The following PKHD1 variants were observed in gnomAD, a reference collection of about 807,000 sequenced individuals.
PKHD1 encodes PKHD1 ciliary IPT domain containing fibrocystin/polyductin, also known as fibrocystin.
PKHD1 carries 291 observed loss-of-function variants against 412.0 expected under a neutral mutation model. The observed-to-expected ratio is 0.71, with a 90% CI of 0.64 to 0.78. PKHD1 has a LOEUF of 0.78. PKHD1 is among the 30% of genes least tolerant of loss of function. PKHD1 has a pLI of 0.00. For synonymous variants in PKHD1, 1,777 were observed against 1,821.5 expected, an observed-to-expected ratio of 0.98 and a Z score of 0.62; for missense variants, 4,825 against 4,950.7, an observed-to-expected ratio of 0.97 and a Z score of 0.76.
intron 60 of PKHD1, among the ~76,000 whole-genome samples, chr6:51,742,598 G>T (rs144978561): frequency 6.6e-6 from 1 of 152,032 alleles, no homozygotes; most frequent in African/African-American, 2.4e-5. Flanking sequence ...CTTGGATGAC[G>T]TGTAACAGCA....
At chr6:51,923,912 G>A (rs1785120677) in intron 37 of PKHD1, among the ~76,000 whole-genome samples, 1 of 152,176 alleles carries the variant, frequency 6.6e-6, no homozygotes, top group Non-Finnish European at 1.5e-5. Context: ...GTCCAATGAA[G>A]AAAATGGAAT....
chr6:52,051,212 T>A lies in PKHD1; in HGVS notation c.2141-917A>T, dbSNP rs138503092. Among the ~76,000 whole-genome samples the A allele has an allele frequency of 7.9e-5, 12 of 152,324 alleles. No individual in the cohort carries two copies. The East Asian group carries it at 1.9e-3, about 25-fold the overall frequency. ...GAATTGGGGCAAAATACTCCACTCC[T>A]TTTAGCCTTGGTTTCCCCACCCATA... is the stretch of plus-strand genomic sequence containing the variant. On this transcript the variant is annotated intron_variant, in intron 21 of 66. Coordinates refer to ENST00000371117, the MANE Select transcript of PKHD1 (RefSeq NM_138694.4).
intron 60 of PKHD1, among the ~76,000 whole-genome samples, chr6:51,681,736 G>A (rs927195493): frequency 6.6e-6 from 1 of 152,032 alleles, no homozygotes; most frequent in Non-Finnish European, 1.5e-5. Context: ...ACAAGCCACA[G>A]GCCAAATCAG....
chr6:51,746,372 A>G (rs1785198297), intron 59 of PKHD1, among the ~76,000 whole-genome samples: 1 of 152,170 alleles, frequency 6.6e-6, no homozygotes, highest in African/African-American at 2.4e-5. Flanking sequence ...AAACATCCCA[A>G]AGAAGTCTCT....
chr6:51,982,090 C>G (rs1387372397), intron 35 of PKHD1, among the ~76,000 whole-genome samples: 1 of 64,942 alleles, frequency 1.5e-5, no homozygotes. Context: ...GCAACCGCCC[C>G]GTCTGAGAAG....
rs886061614 is a variant in PKHD1 at position 51,748,627 on chromosome 6, C to T, written c.8989G>A (p.Gly2997Arg). Reference sequence around the variant, plus strand: ...TCAACAGATGAGTACAATGGTGACCCGAAGTTCTGAATTTCCACATTAAGA... The same window carrying T: ...TCAACAGATGAGTACAATGGTGACCTGAAGTTCTGAATTTCCACATTAAGA... ...QLLNVEIQNF[G>R]SPLYSSVEFS... is the part of the protein sequence containing the mutation. The change falls in exon 58 of 67, where the codon GGG becomes AGG. Residue 2997 changes from glycine (G) to arginine (R), a missense_variant. Transcript: ENST00000371117. 8 of 1,613,666 alleles carry T rather than the reference C, an allele frequency of 5.0e-6. No homozygotes were observed. Among genetic ancestry groups the T allele is most frequent in the Non-Finnish European group, 6.8e-6 (8 of 1,179,744 alleles).
chr6:51,832,573 G>A (rs1285882538), intron 51 of PKHD1, among the ~76,000 whole-genome samples: 2 of 152,048 alleles, frequency 1.3e-5, no homozygotes, highest in Non-Finnish European at 2.9e-5. Context: ...GGGCATTCAG[G>A]GTATCTCTGT....
chr6:52,000,702 A>T (rs1798263384), intron 35 of PKHD1, among the ~76,000 whole-genome samples: 2 of 152,210 alleles, frequency 1.3e-5, no homozygotes, highest in Admixed American at 1.3e-4. Flanking sequence ...GCAAACTCCT[A>T]TATGGTGATG....
chr6:51,812,293 A>G (rs950288810), intron 52 of PKHD1, among the ~76,000 whole-genome samples: 1 of 152,214 alleles, frequency 6.6e-6, no homozygotes, highest in Non-Finnish European at 1.5e-5. Flanking sequence ...TATGCATGCT[A>G]AAGTTTAAGA....
intron 35 of PKHD1, 139 bp from the exon 36 acceptor site, chr6:51,960,165 T>C (rs1335065018): frequency 5.3e-6 from 4 of 756,756 alleles, no homozygotes; most frequent in Non-Finnish European, 9.1e-6. Context: ...TGAATCAAAA[T>C]AGAAACTTCT....
chr6:51,924,867 GATA>G (rs2127727766), intron 37 of PKHD1, among the ~76,000 whole-genome samples: 1 of 152,206 alleles, frequency 6.6e-6, no homozygotes, highest in East Asian at 1.9e-4. Context: ...TAATAACAAT[GATA>G]ATAACTGACA....
chr6:51,694,421 T>C lies in PKHD1; in HGVS notation c.10157-34452A>G, dbSNP rs111623353. ...TATTTTGAGATAGAGTCTTTCTCTG[T>C]TGCCTAGGCTGGAATGCAGTGGCGT... On this transcript the variant is annotated intron_variant, in intron 60 of 66. Transcript: ENST00000371117. Among the ~76,000 whole-genome samples the C allele has an allele frequency of 7.2e-3, 1,100 of 152,056 alleles. 12 individuals are homozygous for C. Among genetic ancestry groups the C allele is most frequent in the African/African-American group, 0.025 (1,050 of 41,484 alleles).
At chr6:51,821,073 T>C (rs751382523) in intron 52 of PKHD1, among the ~76,000 whole-genome samples, 3 of 152,160 alleles carry the variant, frequency 2.0e-5, no homozygotes, top group Non-Finnish European at 2.9e-5. Context: ...GGGGGTAAAA[T>C]ACATATGCAA....
chr6:51,705,415 A>G (rs1469615954), intron 60 of PKHD1, among the ~76,000 whole-genome samples: 2 of 152,134 alleles, frequency 1.3e-5, no homozygotes, highest in African/African-American at 2.4e-5. Flanking sequence ...GGAAGAGTCA[A>G]TGTGGGCAGA....
At chr6:51,825,957 T>C (rs967023756) in intron 52 of PKHD1, among the ~76,000 whole-genome samples, 2 of 152,134 alleles carry the variant, frequency 1.3e-5, no homozygotes, top group African/African-American at 4.8e-5. Context: ...ATCACCAATA[T>C]TTGTTTGGTT....
In PKHD1 at chr6:51,852,952, T is replaced by C. The variant is rs148411030; in HGVS notation, c.7911+2941A>G. On this transcript the variant is annotated intron_variant, in intron 49 of 66. Coordinates refer to ENST00000371117, the MANE Select transcript of PKHD1 (RefSeq NM_138694.4). ...TATGTGTGAATTTGATCCTGTCATCTTGATATAATTTAGTTATTTTGCACA... is the reference window on the plus strand; with the variant it reads ...TATGTGTGAATTTGATCCTGTCATCCTGATATAATTTAGTTATTTTGCACA... 1.1e-3 allele frequency among the ~76,000 whole-genome samples: 172 copies of C among 152,246 alleles called. 1 individual carries two copies. Among genetic ancestry groups the C allele is most frequent in the African/African-American group, 3.9e-3 (160 of 41,556 alleles).
At position 51,868,113 on chromosome 6, in the gene PKHD1, T is replaced by C. The variant is rs551156072; in HGVS notation, c.7487-4A>G. ...CTGGTCTTCACAGTAAATCCACCTA[T>C]AAATTGGAAAACAGAAAGATTATTA... On this transcript the variant is annotated splice_region_variant and splice_polypyrimidine_tract_variant and intron_variant, in intron 47 of 66. Transcript: ENST00000371117. The C allele has an allele frequency of 3.1e-6, 5 of 1,609,888 alleles. No individual in the cohort carries two copies. The African/African-American group carries it at 4.0e-5, about 13-fold the overall frequency.
At chr6:51,891,217 T>C (rs193053932) in intron 43 of PKHD1, among the ~76,000 whole-genome samples, 2 of 152,340 alleles carry the variant, frequency 1.3e-5, no homozygotes, top group Admixed American at 6.5e-5. Flanking sequence ...AATATTTTTA[T>C]TGACTTTAAT....
chr6:51,983,670 CTT>C (rs1412197835), intron 35 of PKHD1, among the ~76,000 whole-genome samples: 1 of 152,196 alleles, frequency 6.6e-6, no homozygotes, highest in Non-Finnish European at 1.5e-5. Context: ...AAATGGTCAT[CTT>C]TCTTCTCATT....
Sources: allele counts gnomAD v4.1 joint callset (sites outside exome capture counted in the v4.1 genomes callset), GRCh38; gene constraint gnomAD v4.1.1; transcripts MANE v1.5; gene names NCBI Gene and HGNC (gene_info 2026-07-23, HGNC 2026-07-21).